ADAMTS7: variants seen among roughly 807,000 people sequenced by gnomAD.
The protein encoded by ADAMTS7 is ADAM metallopeptidase with thrombospondin type 1 motif 7, also known as A disintegrin and metalloproteinase with thrombospondin motifs 7.
In ADAMTS7, 89 loss-of-function variants were observed where a neutral mutation model predicts 172.6. That is an observed-to-expected ratio of 0.52 (90% CI 0.43 to 0.61). ADAMTS7 has a LOEUF of 0.61. Among genes scored for constraint, ADAMTS7 ranks in the 20% least tolerant of loss-of-function variants. ADAMTS7 has a pLI of 0.00. For missense variants in ADAMTS7, 1,973 were observed against 2,355.6 expected, an observed-to-expected ratio of 0.84 and a Z score of 3.36; for synonymous variants, 885 against 978.4, an observed-to-expected ratio of 0.90 and a Z score of 1.78.
At chr15:78,778,115 C>G (rs1425608223) in intron 8 of ADAMTS7, among the ~76,000 whole-genome samples, 2 of 152,240 alleles carry the variant, frequency 1.3e-5, no homozygotes, top group Admixed American at 1.3e-4. Flanking sequence ...GTCCCGTTTC[C>G]CCCACACCCC....
chr15:78,762,187 G>A, intron 23 of ADAMTS7: 1 of 784,426 alleles, frequency 1.3e-6, no homozygotes, highest in Non-Finnish European at 1.5e-6. Context: ...GGGATGTTGT[G>A]TGGCCGGGAC....
At chr15:78,794,690 T>C (rs1251697918) in intron 4 of ADAMTS7, among the ~76,000 whole-genome samples, 1 of 152,210 alleles carries the variant, frequency 6.6e-6, no homozygotes, top group Non-Finnish European at 1.5e-5. Context: ...ATGGGGTACC[T>C]GTTGGGTTGG....
chr15:78,763,796 G>T lies in ADAMTS7; in HGVS notation c.4643C>A (p.Pro1548Gln), dbSNP rs757739119. ...GGEQQRLVTC[P>Q]EPGLCEEALR... ...CGCCTCCTCGCAGAGGCCTGGCTCC[G>T]GGCAGGTCACTAGACGCTGCTGCTC... The change falls in exon 22 of 24, where the codon CCG becomes CAG. Residue 1548 changes from proline to glutamine, a missense_variant. Pro to Gln is a moderately conservative substitution (Grantham distance 76). Coordinates refer to ENST00000388820, the MANE Select transcript of ADAMTS7 (RefSeq NM_014272.5). 2 of 1,586,832 alleles carry T rather than the reference G, an allele frequency of 1.3e-6. No homozygotes were observed. The highest frequency in any genetic ancestry group is 4.5e-5 in the East Asian group (2 of 44,042).
chr15:78,774,219 G>C lies in ADAMTS7; in HGVS notation c.1958C>G (p.Pro653Arg). The C allele has an allele frequency of 1.3e-6, 2 of 1,589,614 alleles. No individual in the cohort carries two copies. The highest frequency in any genetic ancestry group is 1.7e-6 in the Non-Finnish European group (2 of 1,176,764). Residue 653 changes from proline to arginine, a missense_variant, in exon 13 of 24, where the codon CCC becomes CGC. Transcript: ENST00000388820. ...KLRDAVVDGT[P>R]CYQVRASRDL... is the part of the protein sequence containing the mutation. ...CCGGCTGGCTCGGACCTGGTAGCAG[G>C]GGGTGCCATCGACCACGGCGTCCCG...
At chr15:78,788,488 C>T in intron 7 of ADAMTS7, 114 bp from the exon 8 acceptor site, 1 of 1,290,120 alleles carries the variant, frequency 7.8e-7, no homozygotes, top group Non-Finnish European at 1.1e-6. Flanking sequence ...GGTTCTGCCA[C>T]CCAATGGCTG....
intron 1 of ADAMTS7, among the ~76,000 whole-genome samples, chr15:78,803,060 C>T (rs2055746703): frequency 6.6e-6 from 1 of 151,974 alleles, no homozygotes; most frequent in Non-Finnish European, 1.5e-5. Flanking sequence ...GATTGAAATA[C>T]AGTTATCAAA....
rs1300106375 is a variant in ADAMTS7, at chr15:78,766,589, C to A, written c.3322G>T (p.Gly1108Cys). 1 of 1,601,928 alleles carries A rather than the reference C, an allele frequency of 6.2e-7. No individual in the cohort carries two copies. Among genetic ancestry groups the A allele is most frequent in the African/African-American group, 1.4e-5 (1 of 71,044 alleles). The part of the protein sequence containing the change: ...PHSHPAAPST[G>C]SPVPATEPPA... ...GGCTCTGTGGCAGGCACGGGGCTAC[C>A]CGTGGAGGGCGCAGCAGGATGGCTG... Residue 1108 changes from glycine (G) to cysteine (C), a missense_variant, in exon 19 of 24, where the codon GGT (glycine) becomes TGT (cysteine). Gly to Cys is a radical substitution (Grantham distance 159). Coordinates refer to ENST00000388820, the MANE Select transcript of ADAMTS7 (RefSeq NM_014272.5).
rs2055160543 is a variant in ADAMTS7 at position 78,766,715 on chromosome 15, CGTA to C, written c.3193_3195del (p.Tyr1065del). On this transcript the variant is annotated inframe_deletion, in exon 19 of 24. Transcript: ENST00000388820. Reference sequence around the variant, plus strand: ...TCGTGGAAATTGATGAAATTGTAGTCGTAGTAGAAGTCGTCCACAAACACGGGC... The same window carrying C: ...TCGTGGAAATTGATGAAATTGTAGTCGTAGAAGTCGTCCACAAACACGGGC... 6.2e-7 allele frequency: 1 copy of C among 1,610,852 alleles called. No homozygotes were observed. The highest frequency in any genetic ancestry group is 8.5e-7 in the Non-Finnish European group (1 of 1,179,832).
chr15:78,796,758 C>G lies in ADAMTS7; in HGVS notation c.651G>C (p.Glu217Asp), dbSNP rs1362651974. 21 of 1,611,888 alleles carry G rather than the reference C, an allele frequency of 1.3e-5. No homozygotes were observed. Among genetic ancestry groups the G allele is most frequent in the Non-Finnish European group, 1.7e-5 (20 of 1,179,780 alleles). The change falls in exon 4 of 24, where the codon GAG becomes GAC. Residue 217 changes from glutamate (E) to aspartate (D), a missense_variant. Glu to Asp is a conservative substitution (Grantham distance 45). Coordinates refer to ENST00000388820, the MANE Select transcript of ADAMTS7 (RefSeq NM_014272.5). ...QVYPELESRR[E>D]RWEQRQQWRR... is the part of the protein sequence containing the mutation. ...GCCACTGCTGCCGCTGCTCCCAACG[C>G]TCCCGTCGAGACTCCAGCTCTGGGT...
chr15:78,792,972 C>A (rs976489573), intron 4 of ADAMTS7, among the ~76,000 whole-genome samples: 7 of 152,102 alleles, frequency 4.6e-5, no homozygotes, highest in African/African-American at 1.7e-4. Flanking sequence ...AAATTGGGGT[C>A]TGTAGGTAGC....
chr15:78,768,212 C>T lies in ADAMTS7; in HGVS notation c.2566G>A (p.Val856Met), dbSNP rs780167355. Residue 856 changes from valine (V) to methionine (M), a missense_variant, in exon 17 of 24, where the codon GTG (valine) becomes ATG (methionine). Physicochemically the swap from Val to Met is conservative, Grantham distance 21. Coordinates refer to ENST00000388820, the MANE Select transcript of ADAMTS7 (RefSeq NM_014272.5). ...VYCLERQAGPVDEEHCDPLGR... is the reference protein window; with the variant it reads ...VYCLERQAGPMDEEHCDPLGR... ...AGGGGGTCACAGTGCTCCTCGTCCA[C>T]GGGCCCTGCCTGCCGCTCCAAGCAG... The T allele has an allele frequency of 6.2e-6, 10 of 1,610,290 alleles. No homozygotes were observed. The highest frequency in any genetic ancestry group is 1.3e-5 in the African/African-American group (1 of 74,748).
At chr15:78,763,417 A>C (rs866613204) in intron 22 of ADAMTS7, among the ~76,000 whole-genome samples, 5 of 152,108 alleles carry the variant, frequency 3.3e-5, no homozygotes, top group Non-Finnish European at 7.4e-5. Context: ...TTCACACCTG[A>C]TGTCCCTTCG....
intron 8 of ADAMTS7, among the ~76,000 whole-genome samples, chr15:78,787,666 AAAAC>A (rs1227294200): frequency 3.9e-5 from 6 of 152,190 alleles, no homozygotes; most frequent in Non-Finnish European, 5.9e-5. Flanking sequence ...TCTGTCTCAA[AAAAC>A]AAACAAACAA....
At chr15:78,776,864 C>T (rs370509804) in intron 9 of ADAMTS7, 23 bp from the exon 10 acceptor site, 160 of 1,522,680 alleles carry the variant, frequency 1.1e-4, no homozygotes, top group Non-Finnish European at 1.3e-4. Context: ...GGGCATGGGC[C>T]ATACCCTCAC....
chr15:78,768,809 G>C (rs935784576), intron 16 of ADAMTS7, among the ~76,000 whole-genome samples: 13 of 152,318 alleles, frequency 8.5e-5, no homozygotes, highest in African/African-American at 3.1e-4. Flanking sequence ...GGGACCCAAA[G>C]AGGAGGACCA....
chr15:78,788,404 G>A, intron 7 of ADAMTS7, 30 bp from the exon 8 acceptor site: 1 of 1,607,884 alleles, frequency 6.2e-7, no homozygotes, highest in Non-Finnish European at 8.5e-7. Flanking sequence ...CCAGGGGCGG[G>A]TGAGCCGGCG....
At chr15:78,760,865 C>A (rs4887095) in intron 23 of ADAMTS7, among the ~76,000 whole-genome samples, 43,238 of 151,876 alleles carry the variant, frequency 0.28, 7,800 homozygotes, top group Non-Finnish European at 0.42. Context: ...CACTCACACC[C>A]GCCCCTGGGA....
intron 4 of ADAMTS7, among the ~76,000 whole-genome samples, chr15:78,791,676 A>G (rs2055582936): frequency 6.6e-6 from 1 of 152,222 alleles, no homozygotes; most frequent in African/African-American, 2.4e-5. Context: ...CAGGACCAGC[A>G]TCCCAGGAGT....
At chr15:78,785,089 AG>A (rs2055483740) in intron 8 of ADAMTS7, among the ~76,000 whole-genome samples, 2 of 152,194 alleles carry the variant, frequency 1.3e-5, no homozygotes, top group South Asian at 4.1e-4. Flanking sequence ...TGGAGGACAC[AG>A]GGAAGTTGGG....
Sources: allele counts gnomAD v4.1 joint callset (sites outside exome capture counted in the v4.1 genomes callset), GRCh38; gene constraint gnomAD v4.1.1; transcripts MANE v1.5; gene names NCBI Gene and HGNC (gene_info 2026-07-23, HGNC 2026-07-21).